SVIL: variants seen among roughly 807,000 people sequenced by gnomAD.
The protein encoded by SVIL is supervillin.
A neutral mutation model predicts 240.4 loss-of-function variants in SVIL; 101 were observed. The ratio of observed to expected loss-of-function variants is 0.42; its 90% CI spans 0.36 to 0.50. The LOEUF is 0.50. Ranked by LOEUF, SVIL falls within the 20% of genes least tolerant of loss-of-function variation. The pLI is 0.01. For synonymous variants in SVIL, 999 were observed against 1,100.0 expected, an observed-to-expected ratio of 0.91 and a Z score of 1.82; for missense variants, 2,512 against 2,818.7, an observed-to-expected ratio of 0.89 and a Z score of 2.46.
chr10:29,473,773 G>C, intron 30 of SVIL, 65 bp downstream of exon 30: 1 of 1,604,120 alleles, frequency 6.2e-7, no homozygotes, highest in South Asian at 1.1e-5. Context: ...CAGGCCGAGT[G>C]CCATCGGCTC....
intron 1 of SVIL, among the ~76,000 whole-genome samples, chr10:29,623,657 T>C (rs1733828026): frequency 6.6e-6 from 1 of 152,338 alleles, no homozygotes; most frequent in East Asian, 1.9e-4. Context: ...GAGACCATCC[T>C]GGCTAACACG....
chr10:29,584,784 C>T (rs535312119), intron 1 of SVIL, among the ~76,000 whole-genome samples: 18 of 152,258 alleles, frequency 1.2e-4, no homozygotes, highest in East Asian at 3.9e-4. Context: ...GTGGACAGCC[C>T]GTGAAGAAGC....
chr10:29,474,261 A>G (rs773230233), intron 29 of SVIL, among the ~76,000 whole-genome samples: 1 of 152,220 alleles, frequency 6.6e-6, no homozygotes, highest in Admixed American at 6.5e-5. Context: ...AAGATCTGTC[A>G]TCTGGAGGGG....
intron 16 of SVIL, among the ~76,000 whole-genome samples, chr10:29,515,895 G>A (rs150653517): frequency 6.4e-4 from 98 of 152,062 alleles, no homozygotes; most frequent in East Asian, 5.8e-3. Flanking sequence ...TCACCTCCTC[G>A]TCCATCTTAT....
intron 1 of SVIL, among the ~76,000 whole-genome samples, chr10:29,605,168 T>C (rs1242842431): frequency 6.6e-6 from 1 of 152,242 alleles, no homozygotes; most frequent in Non-Finnish European, 1.5e-5. Flanking sequence ...GGCATTAGCC[T>C]CATTTTCTTA....
intron 1 of SVIL, among the ~76,000 whole-genome samples, chr10:29,719,853 T>C (rs1354954521): frequency 6.6e-6 from 1 of 152,152 alleles, no homozygotes; most frequent in Non-Finnish European, 1.5e-5. Flanking sequence ...TAAACACATG[T>C]AATTGGATTC....
At chr10:29,552,825 A>AT (rs960805174) in intron 5 of SVIL, among the ~76,000 whole-genome samples, 3 of 152,092 alleles carry the variant, frequency 2.0e-5, no homozygotes, top group Non-Finnish European at 2.9e-5. Context: ...TGGCAAACCC[A>AT]TTTTTTTCAT....
chr10:29,717,945 AT>A (rs1245123694), intron 1 of SVIL, among the ~76,000 whole-genome samples: 1 of 152,216 alleles, frequency 6.6e-6, no homozygotes, highest in Admixed American at 6.5e-5. Flanking sequence ...TTAAGAAAAA[AT>A]GTCTCATTAA....
Position 29,536,767 on chromosome 10 carries a change from C to T in SVIL, c.828-698G>A, listed in dbSNP as rs903130540. 5.9e-5 allele frequency among the ~76,000 whole-genome samples: 9 copies of T among 151,808 alleles called. 1 individual carries two copies. Among genetic ancestry groups the T allele is most frequent in the Admixed American group, 3.3e-4 (5 of 15,248 alleles). On this transcript the variant is annotated intron_variant, in intron 6 of 37. Transcript: ENST00000355867. ...TCTACTAAAAATACAAAAAATTAGC[C>T]GGGTGTGGTAGTGGGCACCAGTAAT...
At chr10:29,619,072 T>C (rs535245022) in intron 1 of SVIL, among the ~76,000 whole-genome samples, 1 of 152,272 alleles carries the variant, frequency 6.6e-6, no homozygotes, top group African/African-American at 2.4e-5. Flanking sequence ...GAACAAACCA[T>C]GGCCATGGCC....
Position 29,720,326 on chromosome 10 carries a change from T to A in SVIL, c.-400+15425A>T, listed in dbSNP as rs76659941. Among the ~76,000 whole-genome samples the A allele has an allele frequency of 3.6e-4, 55 of 152,306 alleles. No homozygotes were observed. In the East Asian group the frequency reaches 0.01, roughly 28 times the overall value. ...GCAAGTGTAAAATAGTGAAGCAAAA[T>A]CTTTCATAAACTAAGAAGAAAAAAT... On this transcript the variant is annotated intron_variant, in intron 1 of 35. Transcript: ENST00000375400.
rs1370592216 is a variant in SVIL at position 29,480,683 on chromosome 10, C to G, written c.5231G>C (p.Arg1744Thr). ...AACGCTGGTGATCTCAAACTGCCTC[C>G]TGTCGTGTCCTTCCACCAGGCCATA... is the stretch of plus-strand genomic sequence containing the variant. ...RGYGLVEGHD[R>T]RQFEITSVSV... is the part of the protein sequence containing the mutation. Residue 1744 changes from arginine (R) to threonine (T), a missense_variant, in exon 29 of 38, where the codon AGG (arginine) becomes ACG (threonine). Arg to Thr is a moderately conservative substitution (Grantham distance 71). Around this residue, in one of 3 missense-constraint regions of SVIL, gnomAD observed 797 missense variants for 925.3 expected, o/e 0.86. Coordinates refer to ENST00000355867, the MANE Select transcript of SVIL (RefSeq NM_021738.3). 1 of 1,614,192 alleles carries G rather than the reference C, an allele frequency of 6.2e-7. No individual in the cohort carries two copies. Among genetic ancestry groups the G allele is most frequent in the Non-Finnish European group, 8.5e-7 (1 of 1,180,028 alleles).
rs541562143 is a variant in SVIL at position 29,593,939 on chromosome 10, T to C, written c.-200-24627A>G. 2.7e-3 allele frequency among the ~76,000 whole-genome samples: 413 copies of C among 152,154 alleles called. 1 individual carries two copies. Among genetic ancestry groups the C allele is most frequent in the African/African-American group, 9.1e-3 (378 of 41,520 alleles). ...GGTTGGGAGGGGAGGGAGGAATACA[T>C]AGGTGGAGCACAGTGGAGTTTTCAA... On this transcript the variant is annotated intron_variant, in intron 1 of 37. Coordinates refer to ENST00000355867, the MANE Select transcript of SVIL (RefSeq NM_021738.3).
At chr10:29,613,917 G>C (rs1421054118) in intron 1 of SVIL, among the ~76,000 whole-genome samples, 12 of 152,158 alleles carry the variant, frequency 7.9e-5, no homozygotes, top group Admixed American at 7.9e-4. Flanking sequence ...GAACTCATCA[G>C]TAAGAAAGTT....
chr10:29,654,794 AAG>A (rs1958947260), intron 3 of SVIL, among the ~76,000 whole-genome samples: 1 of 152,208 alleles, frequency 6.6e-6, no homozygotes, highest in Non-Finnish European at 1.5e-5. Context: ...TCTAAGGCCC[AAG>A]ATCTGAGAAT....
rs189653886 is a variant in SVIL at position 29,692,337 on chromosome 10, C to T, written c.-399-5686G>A. Among the ~76,000 whole-genome samples, 222 of 152,278 alleles carry T rather than the reference C, an allele frequency of 1.5e-3. 5 individuals carry two copies. The highest frequency in any genetic ancestry group is 0.014 in the Admixed American group (221 of 15,300). Reference sequence around the variant, plus strand: ...AGCAGAAGGATGGAGACAGAACATTCCACCCCGTATGAGCAGGTGAGCTCA... The same window carrying T: ...AGCAGAAGGATGGAGACAGAACATTTCACCCCGTATGAGCAGGTGAGCTCA... On this transcript the variant is annotated intron_variant, in intron 1 of 35. Transcript: ENST00000375400.
intron 17 of SVIL, among the ~76,000 whole-genome samples, chr10:29,507,484 T>C (rs765614813): frequency 6.7e-6 from 1 of 148,436 alleles, no homozygotes; most frequent in Admixed American, 6.6e-5. Flanking sequence ...AACACACACA[T>C]ACGTACACAC....
chr10:29,569,809 AC>A, intron 1 of SVIL, among the ~76,000 whole-genome samples: 1 of 152,252 alleles, frequency 6.6e-6, no homozygotes, highest in Non-Finnish European at 1.5e-5. Flanking sequence ...TAAAATCTAC[AC>A]AATAACAACC....
upstream of SVIL, among the ~76,000 whole-genome samples, chr10:29,637,935 G>C (rs1050206421): frequency 6.6e-6 from 1 of 152,194 alleles, no homozygotes; most frequent in Admixed American, 6.5e-5. Context: ...ATGGAGAAGA[G>C]ATGGGAGTTG....
Sources: allele counts gnomAD v4.1 joint callset (sites outside exome capture counted in the v4.1 genomes callset), GRCh38; gene constraint gnomAD v4.1.1; regional missense constraint gnomAD v4.1.1; transcripts MANE v1.5; gene names NCBI Gene and HGNC (gene_info 2026-07-23, HGNC 2026-07-21).